Variants in PALS2 observed in about 807,000 individuals in gnomAD.
PALS2 encodes protein PALS2.
Under a neutral mutation model 61.6 loss-of-function variants are expected in PALS2, and 27 were observed. The ratio of observed to expected loss-of-function variants is 0.44; its 90% CI spans 0.32 to 0.60. The LOEUF (loss-of-function observed/expected upper bound fraction) is 0.60, where lower values mean the gene tolerates loss of function less well. Ranked by LOEUF, PALS2 falls within the 20% of genes least tolerant of loss-of-function variation. PALS2 has a pLI of 0.05. For missense variants in PALS2, 554 were observed against 639.4 expected (o/e 0.87, Z 1.44); for synonymous variants, 236 against 218.6 (o/e 1.08, Z -0.70).
At chr7:24,666,373 A>G (rs578177957) in intron 8 of PALS2, among the ~76,000 whole-genome samples, 1 of 152,318 alleles carries the variant, frequency 6.6e-6, no homozygotes, top group East Asian at 1.9e-4. Context: ...AATTGAAACT[A>G]TTTGTCCAGA....
intron 1 of PALS2, among the ~76,000 whole-genome samples, chr7:24,608,105 T>A (rs976716014): frequency 5.3e-5 from 8 of 152,222 alleles, no homozygotes; most frequent in Non-Finnish European, 7.3e-5. Context: ...TGGATTTTTT[T>A]AAATGTTATA....
rs1786034522 is a variant in PALS2 at position 24,649,624 on chromosome 7, G to A, written c.283G>A (p.Ala95Thr). Residue 95 changes from alanine (A) to threonine (T), a missense_variant, in exon 4 of 12, where the codon GCC (alanine) becomes ACC (threonine). Coordinates refer to ENST00000222644, the MANE Select transcript of PALS2 (RefSeq NM_001303037.2). ...KEPHFQSLLEAHDIVASKCYD... is the reference protein window; with the variant it reads ...KEPHFQSLLETHDIVASKCYD... ...TGACTCCTTATAGTCACTGTTGGAG[G>A]CCCATGATATTGTGGCATCAAAGTG... 6.2e-7 allele frequency: 1 copy of A among 1,604,398 alleles called. No homozygotes were observed. Among genetic ancestry groups the A allele is most frequent in the Non-Finnish European group, 8.5e-7 (1 of 1,175,728 alleles).
intron 6 of PALS2, among the ~76,000 whole-genome samples, chr7:24,664,918 T>C (rs956229017): frequency 6.6e-6 from 1 of 152,154 alleles, no homozygotes; most frequent in South Asian, 2.1e-4. Context: ...ACTTTAATTC[T>C]GTTTTTCAGG....
At chr7:24,672,158 A>G (rs1205966844) in intron 9 of PALS2, among the ~76,000 whole-genome samples, 8 of 151,326 alleles carry the variant, frequency 5.3e-5, no homozygotes, top group Non-Finnish European at 1.5e-5. Context: ...TAATTTATAT[A>G]GAAATGCCAG....
Position 24,627,049 on chromosome 7 carries a change from C to T in PALS2, c.117+3265C>T, listed in dbSNP as rs1784779320. Among the ~76,000 whole-genome samples, 7 of 152,150 alleles carry T rather than the reference C, an allele frequency of 4.6e-5. No individual in the cohort carries two copies. The South Asian group carries it at 1.4e-3, about 32-fold the overall frequency. The stretch of plus-strand genomic sequence containing the variant: ...TAGACATCTACAGAACTCTCCACCC[C>T]AAATCAACAGAATATACATTCCTCT... On this transcript the variant is annotated intron_variant, in intron 2 of 11. Coordinates refer to ENST00000222644, the MANE Select transcript of PALS2 (RefSeq NM_001303037.2).
chr7:24,628,970 C>T (rs1784870069), intron 2 of PALS2, among the ~76,000 whole-genome samples: 1 of 152,164 alleles, frequency 6.6e-6, no homozygotes, highest in South Asian at 2.1e-4. Flanking sequence ...TGACTTTCTT[C>T]ACAGAGTTAG....
intron 1 of PALS2, among the ~76,000 whole-genome samples, chr7:24,580,673 A>G (rs557702690): frequency 2.0e-5 from 3 of 152,314 alleles, no homozygotes; most frequent in Non-Finnish European, 4.4e-5. Context: ...GTGCTTATAC[A>G]ACTGGCAAGT....
intron 1 of PALS2, among the ~76,000 whole-genome samples, chr7:24,583,554 G>T (rs942382843): frequency 2.6e-5 from 4 of 151,142 alleles, no homozygotes; most frequent in Middle Eastern, 3.2e-3. Context: ...CTTTCAATAA[G>T]GTCCCCTGCC....
At chr7:24,622,306 G>A (rs186420877) in intron 1 of PALS2, among the ~76,000 whole-genome samples, 82 of 152,052 alleles carry the variant, frequency 5.4e-4, no homozygotes, top group African/African-American at 2.0e-3. Flanking sequence ...ATGAACATGG[G>A]ATGTCATTCC....
intron 1 of PALS2, among the ~76,000 whole-genome samples, chr7:24,608,077 A>T (rs1176346524): frequency 6.6e-6 from 1 of 152,146 alleles, no homozygotes; most frequent in African/African-American, 2.4e-5. Flanking sequence ...ATTTATATAC[A>T]TATGTGTGAA....
intron 3 of PALS2, among the ~76,000 whole-genome samples, chr7:24,647,206 G>A (rs529296530): frequency 6.6e-6 from 1 of 151,306 alleles, no homozygotes; most frequent in Non-Finnish European, 1.5e-5. Flanking sequence ...GAGTGCAGTG[G>A]CACGATCTCG....
chr7:24,644,999 G>T (rs913457377), intron 3 of PALS2, among the ~76,000 whole-genome samples: 5 of 101,686 alleles, frequency 4.9e-5, no homozygotes, highest in Non-Finnish European at 6.9e-5. Context: ...CAAAGAACTT[G>T]TATTTGTTTA....
Position 24,693,717 on chromosome 7 carries a change from C to T in PALS2, c.*6103C>T, listed in dbSNP as rs1171111597. 2 of 152,214 alleles carry T rather than the reference C, an allele frequency of 1.3e-5. No individual in the cohort carries two copies. The highest frequency in any genetic ancestry group is 1.9e-4 in the East Asian group (1 of 5,176). The allele number at this position is 152,214 out of a possible 1,614,324, so 9.4% of individuals were successfully genotyped here. A position where few individuals can be genotyped will look rare whatever the true frequency, so the allele number is the denominator to read the frequency against. ...TTTTAAAAAGAACTGCTGACTGGCT[C>T]CTGTCTCTTCAGTAACACTGATTTT... is the stretch of plus-strand genomic sequence containing the variant. On this transcript the variant is annotated 3_prime_UTR_variant, in exon 12 of 12. Transcript: ENST00000222644.
Position 24,650,480 on chromosome 7 carries a change from C to T in PALS2, c.424-5C>T. ...AATGAGAAATCTGTTTCTTATTTTTCATAGGGTGTGACATTTAGGGTTGAA... is the reference window on the plus strand; with the variant it reads ...AATGAGAAATCTGTTTCTTATTTTTTATAGGGTGTGACATTTAGGGTTGAA... On this transcript the variant is annotated splice_region_variant and splice_polypyrimidine_tract_variant and intron_variant, in intron 4 of 11. Coordinates refer to ENST00000222644, the MANE Select transcript of PALS2 (RefSeq NM_001303037.2). 6.4e-7 allele frequency: 1 copy of T among 1,564,586 alleles called. No homozygotes were observed. The highest frequency in any genetic ancestry group is 8.6e-7 in the Non-Finnish European group (1 of 1,157,476).
chr7:24,604,904 G>A (rs1783843816), intron 1 of PALS2, among the ~76,000 whole-genome samples: 1 of 152,162 alleles, frequency 6.6e-6, no homozygotes, highest in Non-Finnish European at 1.5e-5. Context: ...ACTGAGCTGG[G>A]GCCCTGGGGA....
At position 24,615,646 on chromosome 7, in the gene PALS2, C is replaced by G. The variant is rs564163707; in HGVS notation, c.-2-8020C>G. ...AGTCCAGGACTGGATGGCTTCACCA[C>G]TAAATTATCTTCTCAAACTATTCCA... On this transcript the variant is annotated intron_variant, in intron 1 of 11. Coordinates refer to ENST00000222644, the MANE Select transcript of PALS2 (RefSeq NM_001303037.2). Among the ~76,000 whole-genome samples, 4 of 151,742 alleles carry G rather than the reference C, an allele frequency of 2.6e-5. No individual in the cohort carries two copies. The South Asian group carries it at 6.2e-4, about 24-fold the overall frequency.
rs1783543111 is a variant in PALS2, at chr7:24,596,827, TA to T, written c.-3+23235del. Among the ~76,000 whole-genome samples the T allele has an allele frequency of 6.6e-6, 1 of 152,166 alleles. No homozygotes were observed. The highest frequency in any genetic ancestry group is 1.5e-5 in the Non-Finnish European group (1 of 68,032). ...GTGGTGGGGAGAGATTGGGGATTAGTATACCAGTTAAGAGGCTTTTAAAGTA... is the reference window on the plus strand; with the variant it reads ...GTGGTGGGGAGAGATTGGGGATTAGTTACCAGTTAAGAGGCTTTTAAAGTA... On this transcript the variant is annotated intron_variant, in intron 1 of 11. Transcript: ENST00000222644. This position sits in a 1 kb window ranked among gnomAD's most constrained non-coding sequence, Gnocchi z 4.5.
At chr7:24,639,121 C>T (rs1442106102) in intron 2 of PALS2, among the ~76,000 whole-genome samples, 1 of 152,136 alleles carries the variant, frequency 6.6e-6, no homozygotes, top group Non-Finnish European at 1.5e-5. Flanking sequence ...TGCTAATCAG[C>T]AACAACTAAA....
intron 5 of PALS2, among the ~76,000 whole-genome samples, chr7:24,659,713 C>A (rs1037497121): frequency 6.6e-6 from 1 of 152,184 alleles, no homozygotes; most frequent in Non-Finnish European, 1.5e-5. Flanking sequence ...TGACCGTATA[C>A]AACTTCTATA....
Sources: allele counts gnomAD v4.1 joint callset (sites outside exome capture counted in the v4.1 genomes callset), GRCh38; gene constraint gnomAD v4.1.1; non-coding constraint Gnocchi (gnomAD v3.1); transcripts MANE v1.5; gene names NCBI Gene and HGNC (gene_info 2026-07-23, HGNC 2026-07-21).